The following COL15A1 variants were observed in gnomAD, a reference collection of about 807,000 sequenced individuals.
COL15A1 encodes collagen type XV alpha 1 chain, also known as collagen alpha-1(XV) chain.
In COL15A1, 111 loss-of-function variants were observed where a neutral mutation model predicts 165.9. The ratio of observed to expected loss-of-function variants is 0.67; its 90% CI spans 0.57 to 0.78. The LOEUF (loss-of-function observed/expected upper bound fraction) is 0.78. COL15A1 is among the 30% of genes least tolerant of loss of function. COL15A1 has a pLI of 0.00. For missense variants in COL15A1, 1,745 were observed against 1,789.7 expected, an observed-to-expected ratio of 0.98 and a Z score of 0.45; for synonymous variants, 659 against 674.8, an observed-to-expected ratio of 0.98 and a Z score of 0.36.
At chr9:99,048,463 A>G (rs1392054993) in intron 28 of COL15A1, among the ~76,000 whole-genome samples, 2 of 152,218 alleles carry the variant, frequency 1.3e-5, no homozygotes, top group Non-Finnish European at 2.9e-5. Flanking sequence ...CTGGTCTAGA[A>G]GAAAAAAGCC....
rs199761983 is a variant in COL15A1, at chr9:98,944,259, C to G, written c.100+9C>G. The G allele has an allele frequency of 8.7e-6, 14 of 1,612,942 alleles. No individual in the cohort carries two copies. The African/African-American group carries it at 1.9e-4, about 21-fold the overall frequency. On this transcript the variant is annotated intron_variant, in intron 2 of 41. Transcript: ENST00000375001. ...GACCCGCGGTGCGACAGGTAAGCAA[C>G]CCGGTCGGAGGGTGGCACCGGCTGC...
At chr9:98,965,259 A>G (rs746417527) in intron 2 of COL15A1, among the ~76,000 whole-genome samples, 14 of 152,196 alleles carry the variant, frequency 9.2e-5, no homozygotes, top group Non-Finnish European at 1.3e-4. Context: ...CCTGTTGCAT[A>G]AATTTTAGTC....
chr9:99,031,561 C>A (rs577340927), intron 16 of COL15A1, among the ~76,000 whole-genome samples: 1 of 152,306 alleles, frequency 6.6e-6, no homozygotes, highest in East Asian at 1.9e-4. Flanking sequence ...TTTGCGGACA[C>A]GTCATGGCCT....
intron 14 of COL15A1, 115 bp from the exon 15 acceptor site, chr9:99,024,759 C>A: frequency 7.9e-7 from 1 of 1,271,082 alleles, no homozygotes; most frequent in Non-Finnish European, 1.1e-6. Flanking sequence ...TAAGTGGGAT[C>A]ACCAAACCCT....
chr9:98,982,768 G>C (rs953866850), intron 2 of COL15A1, among the ~76,000 whole-genome samples: 1 of 151,844 alleles, frequency 6.6e-6, no homozygotes, highest in African/African-American at 2.4e-5. Flanking sequence ...CAACCTCCTG[G>C]GTAGCGGGGA....
chr9:98,995,346 C>T (rs1027010641), intron 5 of COL15A1, among the ~76,000 whole-genome samples: 1 of 152,282 alleles, frequency 6.6e-6, no homozygotes, highest in African/African-American at 2.4e-5. Flanking sequence ...TGCCACCCCC[C>T]AGTCACCTGG....
intron 40 of COL15A1, 92 bp downstream of exon 40, chr9:99,067,159 T>C: frequency 8.7e-7 from 1 of 1,147,474 alleles, no homozygotes; most frequent in East Asian, 2.4e-5. Flanking sequence ...AACAGAAGAC[T>C]GTTGACTTAA....
At chr9:99,042,474 C>T (rs928850447) in intron 24 of COL15A1, among the ~76,000 whole-genome samples, 1 of 152,000 alleles carries the variant, frequency 6.6e-6, no homozygotes, top group Admixed American at 6.6e-5. Flanking sequence ...CTCAACACTC[C>T]TTTGTTCTCA....
At chr9:98,947,008 A>G (rs1158354585) in intron 2 of COL15A1, among the ~76,000 whole-genome samples, 2 of 152,264 alleles carry the variant, frequency 1.3e-5, no homozygotes, top group Non-Finnish European at 2.9e-5. Context: ...AATGTTAAAT[A>G]TATACTTACC....
At chr9:99,053,078 A>G (rs1839617874) in intron 31 of COL15A1, among the ~76,000 whole-genome samples, 2 of 152,356 alleles carry the variant, frequency 1.3e-5, no homozygotes, top group Admixed American at 6.5e-5. Context: ...CAGCATATTC[A>G]TAGCCACATG....
At chr9:98,946,174 A>C (rs953595906) in intron 2 of COL15A1, among the ~76,000 whole-genome samples, 1 of 152,234 alleles carries the variant, frequency 6.6e-6, no homozygotes, top group Non-Finnish European at 1.5e-5. Flanking sequence ...GAACATGTTC[A>C]TATTTCATTC....
chr9:99,057,119 C>T (rs1015752464), intron 35 of COL15A1, among the ~76,000 whole-genome samples: 1 of 152,146 alleles, frequency 6.6e-6, no homozygotes, highest in Non-Finnish European at 1.5e-5. Flanking sequence ...GAGGAACTGC[C>T]AGACTGTTTT....
chr9:99,039,181 A>T (rs945441839), intron 22 of COL15A1, among the ~76,000 whole-genome samples: 2 of 152,170 alleles, frequency 1.3e-5, no homozygotes, highest in African/African-American at 4.8e-5. Context: ...TAATTTCCAG[A>T]TCTCTAAAAT....
chr9:98,957,072 G>C (rs1837788496), intron 2 of COL15A1, among the ~76,000 whole-genome samples: 1 of 152,184 alleles, frequency 6.6e-6, no homozygotes, highest in African/African-American at 2.4e-5. Context: ...AAGGGAGTTA[G>C]GCTGCAGATG....
chr9:99,048,345 A>G (rs1256307228), intron 28 of COL15A1, among the ~76,000 whole-genome samples: 5 of 151,960 alleles, frequency 3.3e-5, no homozygotes, highest in Non-Finnish European at 7.4e-5. Flanking sequence ...CCCAGGGATC[A>G]CTCACATCAC....
chr9:98,945,334 G>A (rs1837561528), intron 2 of COL15A1, among the ~76,000 whole-genome samples: 1 of 152,106 alleles, frequency 6.6e-6, no homozygotes, highest in African/African-American at 2.4e-5. Context: ...CTTAGAAAGT[G>A]GCCAGTCCAA....
At chr9:98,971,764 G>A (rs944971583) in intron 2 of COL15A1, among the ~76,000 whole-genome samples, 1 of 152,256 alleles carries the variant, frequency 6.6e-6, no homozygotes, top group Non-Finnish European at 1.5e-5. Context: ...GTGGGCATGT[G>A]TGAAGGGAGC....
At chr9:98,990,691 C>T (rs1054176869) in intron 5 of COL15A1, among the ~76,000 whole-genome samples, 5 of 152,140 alleles carry the variant, frequency 3.3e-5, no homozygotes, top group African/African-American at 1.2e-4. Context: ...AGAAGTAGGG[C>T]AGAGAAGCTT....
intron 2 of COL15A1, among the ~76,000 whole-genome samples, chr9:98,979,114 T>C (rs1316712785): frequency 1.3e-5 from 2 of 152,234 alleles, no homozygotes; most frequent in Admixed American, 6.5e-5. Flanking sequence ...TCATTTATTA[T>C]ATTAATCATT....
Sources: gnomAD v4.1 joint callset for allele counts (sites outside exome capture counted in the v4.1 genomes callset) on GRCh38, gnomAD v4.1.1 for gene constraint, MANE v1.5 for transcripts, NCBI Gene and HGNC (gene_info 2026-07-23, HGNC 2026-07-21) for gene names.